CHCHD3: variants seen among roughly 807,000 people sequenced by gnomAD.
The protein encoded by CHCHD3 is MICOS complex subunit MIC19.
A neutral mutation model predicts 38.2 loss-of-function variants in CHCHD3; 20 were observed. The ratio of observed to expected loss-of-function variants is 0.52; its 90% CI spans 0.37 to 0.76. The LOEUF (loss-of-function observed/expected upper bound fraction) is 0.76, where lower values mean the gene tolerates loss of function less well. Ranked by LOEUF, CHCHD3 falls within the 30% of genes least tolerant of loss-of-function variation. The probability of loss-of-function intolerance (pLI) is 0.00; values close to 1 mark genes in which losing one functional copy is unlikely to be tolerated. For synonymous variants in CHCHD3, 82 were observed against 100.0 expected (o/e 0.82, Z 1.07); for missense variants, 245 against 279.2 (o/e 0.88, Z 0.87).
At chr7:132,887,807 G>A (rs143995495) in intron 4 of CHCHD3, among the ~76,000 whole-genome samples, 24 of 151,866 alleles carry the variant, frequency 1.6e-4, no homozygotes, top group African/African-American at 5.5e-4. Context: ...TATTGGCAAG[G>A]ATATAAGAAA....
chr7:132,896,235 A>G (rs1809491994), intron 4 of CHCHD3, among the ~76,000 whole-genome samples: 1 of 152,260 alleles, frequency 6.6e-6, no homozygotes, highest in Admixed American at 6.5e-5. Context: ...TGGTAAAACT[A>G]GAATCAAAGC....
chr7:132,865,943 C>T (rs1421426674), intron 5 of CHCHD3, among the ~76,000 whole-genome samples: 1 of 152,152 alleles, frequency 6.6e-6, no homozygotes, highest in Non-Finnish European at 1.5e-5. Context: ...TTGCCAACAT[C>T]CTGCTTTCAT....
chr7:133,027,363 A>AAGAGAGAG (rs371411456), intron 2 of CHCHD3, among the ~76,000 whole-genome samples: 45,231 of 133,246 alleles, frequency 0.34, 8,868 homozygotes, highest in South Asian at 0.6. Flanking sequence ...AATAAGTTGT[A>AAGAGAGAG]AGAGAGAGAG....
chr7:133,050,982 C>A (rs945654074), intron 2 of CHCHD3, among the ~76,000 whole-genome samples: 1 of 152,122 alleles, frequency 6.6e-6, no homozygotes, highest in African/African-American at 2.4e-5. Flanking sequence ...AACCACTGCT[C>A]TCCAGGCTGG....
intron 4 of CHCHD3, among the ~76,000 whole-genome samples, chr7:132,919,550 T>C (rs930314791): frequency 6.6e-6 from 1 of 152,240 alleles, no homozygotes; most frequent in Non-Finnish European, 1.5e-5. Flanking sequence ...TCCAGTCAAA[T>C]GTTTTCAACA....
intron 2 of CHCHD3, among the ~76,000 whole-genome samples, chr7:133,065,550 A>G (rs1814644629): frequency 6.6e-6 from 1 of 152,232 alleles, no homozygotes; most frequent in African/African-American, 2.4e-5. Context: ...TTTTTAATAA[A>G]TACTTAAAAT....
At chr7:132,893,442 T>C (rs934516873) in intron 4 of CHCHD3, among the ~76,000 whole-genome samples, 1 of 152,222 alleles carries the variant, frequency 6.6e-6, no homozygotes, top group Admixed American at 6.5e-5. Flanking sequence ...GAAGGGACTT[T>C]CCTTGTCTCA....
chr7:132,856,370 G>C (rs1289787232), intron 5 of CHCHD3, among the ~76,000 whole-genome samples: 1 of 152,202 alleles, frequency 6.6e-6, no homozygotes, highest in South Asian at 2.1e-4. Context: ...GTTCTTGTGT[G>C]ACCCTTGTGA....
intron 7 of CHCHD3, among the ~76,000 whole-genome samples, chr7:132,789,418 A>C (rs1806402219): frequency 6.6e-6 from 1 of 152,182 alleles, no homozygotes; most frequent in Non-Finnish European, 1.5e-5. Flanking sequence ...TCTTTTCCCA[A>C]GTCTTTTTCT....
Position 132,963,014 on chromosome 7 carries a change from T to G in CHCHD3, c.369+12155A>C, listed in dbSNP as rs1437609778. Among the ~76,000 whole-genome samples, 12 of 152,090 alleles carry G rather than the reference T, an allele frequency of 7.9e-5. 4 individuals are homozygous for G. The highest frequency in any genetic ancestry group is 7.9e-4 in the Admixed American group (12 of 15,284). On this transcript the variant is annotated intron_variant, in intron 4 of 7. Transcript: ENST00000262570. ...CCTGGGCTAAATATTACAATAGTCATCAATGTTAAATTTATTGATTTTGAC... is the reference window on the plus strand; with the variant it reads ...CCTGGGCTAAATATTACAATAGTCAGCAATGTTAAATTTATTGATTTTGAC...
At chr7:133,029,272 T>C (rs10215635) in intron 2 of CHCHD3, among the ~76,000 whole-genome samples, 6,203 of 152,252 alleles carry the variant, frequency 0.041, 368 homozygotes, top group African/African-American at 0.13. Flanking sequence ...CAGTTACCAT[T>C]GGGGTGGGGA....
At chr7:132,902,600 T>C (rs974495426) in intron 4 of CHCHD3, among the ~76,000 whole-genome samples, 1 of 152,076 alleles carries the variant, frequency 6.6e-6, no homozygotes, top group Non-Finnish European at 1.5e-5. Context: ...TTCTCACTCA[T>C]AGGTGGGAAC....
rs769375404 is a variant in CHCHD3, at chr7:132,796,432, G to T, written c.660+10C>A. The T allele has an allele frequency of 2.5e-6, 4 of 1,613,166 alleles. No homozygotes were observed. In the East Asian group the frequency reaches 6.7e-5, roughly 27 times the overall value. On this transcript the variant is annotated intron_variant, in intron 7 of 7. Coordinates refer to ENST00000262570, the MANE Select transcript of CHCHD3 (RefSeq NM_017812.4). ...CCCAGTGCCCCCAGTGGCCTGGCTG[G>T]CACACCTACCTGTTTGGCATGATTG... is the stretch of plus-strand genomic sequence containing the variant.
chr7:132,798,317 C>A (rs1806673698), intron 6 of CHCHD3, among the ~76,000 whole-genome samples: 1 of 151,946 alleles, frequency 6.6e-6, no homozygotes, highest in Non-Finnish European at 1.5e-5. Flanking sequence ...AAATAGAATC[C>A]CAGGAGTTTC....
intron 5 of CHCHD3, among the ~76,000 whole-genome samples, chr7:132,842,864 A>G (rs933821039): frequency 1.3e-5 from 2 of 152,182 alleles, no homozygotes; most frequent in Non-Finnish European, 2.9e-5. Context: ...ATTCTCCACA[A>G]CAAAGCTACC....
intron 6 of CHCHD3, among the ~76,000 whole-genome samples, chr7:132,810,413 C>T (rs1807038313): frequency 6.6e-6 from 1 of 152,110 alleles, no homozygotes; most frequent in African/African-American, 2.4e-5. Context: ...AGTACTGATG[C>T]CATAAGAAGG....
intron 6 of CHCHD3, among the ~76,000 whole-genome samples, chr7:132,825,904 C>T (rs1315592303): frequency 1.3e-5 from 2 of 152,212 alleles, no homozygotes; most frequent in Non-Finnish European, 2.9e-5. Flanking sequence ...GAACTGATGG[C>T]TTCATAGTTG....
At chr7:132,989,883 A>T (rs2117367875) in intron 3 of CHCHD3, among the ~76,000 whole-genome samples, 1 of 152,322 alleles carries the variant, frequency 6.6e-6, no homozygotes, top group South Asian at 2.1e-4. Flanking sequence ...CTTAAAGTAC[A>T]CATCAAATGT....
intron 4 of CHCHD3, among the ~76,000 whole-genome samples, chr7:132,915,464 C>T (rs1434427417): frequency 2.6e-5 from 4 of 152,154 alleles, no homozygotes; most frequent in African/African-American, 7.2e-5. Flanking sequence ...TATCCGTCCC[C>T]TCCCTTATCT....
Sources: gnomAD v4.1 joint callset for allele counts (sites outside exome capture counted in the v4.1 genomes callset) on GRCh38, gnomAD v4.1.1 for gene constraint, MANE v1.5 for transcripts, NCBI Gene and HGNC (gene_info 2026-07-23, HGNC 2026-07-21) for gene names.